ABITRAM: variants seen among roughly 807,000 people sequenced by gnomAD.
The protein encoded by ABITRAM is actin binding transcription modulator.
A neutral mutation model predicts 22.9 loss-of-function variants in ABITRAM; 19 were observed. That is an observed-to-expected ratio of 0.83 (90% CI 0.58 to 1.22). The LOEUF is 1.22. Among genes scored for constraint, ABITRAM ranks in the 50% most tolerant of loss-of-function variants. The pLI is 0.00. For synonymous variants in ABITRAM, 70 were observed against 73.9 expected, an observed-to-expected ratio of 0.95 and a Z score of 0.27; for missense variants, 215 against 220.2, an observed-to-expected ratio of 0.98 and a Z score of 0.15.
chr9:108,944,959 A>C (rs968399160), downstream of ABITRAM, among the ~76,000 whole-genome samples: 30 of 152,208 alleles, frequency 2.0e-4, no homozygotes, highest in African/African-American at 7.0e-4. Flanking sequence ...CTAGACTCCA[A>C]CCAAATGAAA....
In ABITRAM at chr9:108,940,094, A is replaced by C. The variant is rs1221511820; in HGVS notation, c.*408A>C. On this transcript the variant is annotated 3_prime_UTR_variant, in exon 6 of 6. Transcript: ENST00000322940. The stretch of plus-strand genomic sequence containing the variant: ...TGACCCTTGAGCAACATAGGTTTGA[A>C]CTGCAAGGGTCCACTTATGCATGGA... 6.1e-6 allele frequency: 1 copy of C among 162,898 alleles called. No individual in the cohort carries two copies. Among genetic ancestry groups the C allele is most frequent in the African/African-American group, 2.4e-5 (1 of 41,748 alleles). 10.1% of individuals were successfully genotyped at this position (162,898 alleles called of 1,614,324 possible). A position where few individuals can be genotyped will look rare whatever the true frequency, so the allele number is the denominator to read the frequency against.
intron 1 of ABITRAM, 147 bp from the exon 2 acceptor site, chr9:108,935,491 C>A (rs1347769704): frequency 1.6e-6 from 1 of 642,028 alleles, no homozygotes; most frequent in East Asian, 2.7e-5. Flanking sequence ...TTAGGTATGT[C>A]TTTTTGAGTA....
At chr9:108,943,979 G>GCCA (rs778130522), downstream of ABITRAM, 3 of 1,613,712 alleles carry the variant, frequency 1.9e-6, no homozygotes, top group East Asian at 6.7e-5. Flanking sequence ...GAAAAAGCTT[G>GCCA]AACACTGGAA....
chr9:108,942,410 T>C (rs965781965), downstream of ABITRAM, among the ~76,000 whole-genome samples: 2 of 152,236 alleles, frequency 1.3e-5, no homozygotes, highest in Admixed American at 1.3e-4. Context: ...ATTAGTGATC[T>C]AGATGATAAA....
chr9:108,939,052 A>G (rs917477980), intron 3 of ABITRAM, 144 bp from the exon 4 acceptor site: 4 of 666,786 alleles, frequency 6.0e-6, no homozygotes, highest in Admixed American at 6.3e-5. Context: ...AGGTTCTGAA[A>G]TTAATGAATG....
At chr9:108,946,454 G>A (rs964733666) in intron 3 of ABITRAM, among the ~76,000 whole-genome samples, 1 of 151,956 alleles carries the variant, frequency 6.6e-6, no homozygotes, top group Non-Finnish European at 1.5e-5. Flanking sequence ...ACTTGTTTTG[G>A]CTATCTAAAA....
chr9:108,942,680 T>G, downstream of ABITRAM: 1 of 906,496 alleles, frequency 1.1e-6, no homozygotes, highest in Non-Finnish European at 1.7e-6. Flanking sequence ...ATAAAATTGA[T>G]GAATTTCTGA....
chr9:108,934,464 G>A lies in ABITRAM; in HGVS notation c.-23G>A, dbSNP rs200789185. The A allele has an allele frequency of 3.7e-4, 584 of 1,586,174 alleles. 1 individual carries two copies. In the African/African-American group the frequency reaches 7.2e-3, roughly 20 times the overall value. The stretch of plus-strand genomic sequence containing the variant: ...GAAGCGCTGGGGTCCCGGAGGGCGG[G>A]GGTGGCGGCGCCGGAGGTCGCCATG... On this transcript the variant is annotated 5_prime_UTR_variant, in exon 1 of 6. Coordinates refer to ENST00000322940, the MANE Select transcript of ABITRAM (RefSeq NM_017832.4).
At chr9:108,943,658 C>T, downstream of ABITRAM, 1 of 1,510,046 alleles carries the variant, frequency 6.6e-7, no homozygotes, top group Non-Finnish European at 9.0e-7. Context: ...GGGCTTTAAC[C>T]AGATAAAGAT....
At chr9:108,938,701 GGA>G (rs1491134511) in intron 3 of ABITRAM, among the ~76,000 whole-genome samples, 200 of 138,354 alleles carry the variant, frequency 1.4e-3, no homozygotes, top group Middle Eastern at 3.6e-3. Context: ...GGGGGGGGGG[GGA>G]AAGAACAATA....
chr9:108,946,032 G>T (rs1325149366), intron 3 of ABITRAM, among the ~76,000 whole-genome samples: 1 of 152,144 alleles, frequency 6.6e-6, no homozygotes, highest in Non-Finnish European at 1.5e-5. Context: ...TGGGCATAGT[G>T]GCTCAGGCCT....
Position 108,934,555 on chromosome 9 carries a change from G to T in ABITRAM, c.69G>T (p.Trp23Cys), listed in dbSNP as rs370627190. The T allele has an allele frequency of 1.3e-4, 207 of 1,605,094 alleles. No individual in the cohort carries two copies. Among genetic ancestry groups the T allele is most frequent in the Non-Finnish European group, 1.7e-4 (196 of 1,176,696 alleles). The part of the protein sequence containing the change: ...PSLVDRYFTR[W>C]YKPDVKGKFC... ...TCGTGGATCGATACTTCACTCGCTG[G>T]TACAAACCGGGTAAGTGCGGAGTGA... is the stretch of plus-strand genomic sequence containing the variant. The change falls in exon 1 of 6, where the codon TGG (tryptophan) becomes TGT (cysteine). Residue 23 changes from tryptophan to cysteine, a missense_variant. Physicochemically the swap from Trp to Cys is radical, Grantham distance 215. Coordinates refer to ENST00000322940, the MANE Select transcript of ABITRAM (RefSeq NM_017832.4).
At chr9:108,942,474 C>G, downstream of ABITRAM, 1 of 423,194 alleles carries the variant, frequency 2.4e-6, no homozygotes, top group Non-Finnish European at 4.2e-6. Flanking sequence ...AAAATAGCTT[C>G]TTGTGGATTA....
downstream of ABITRAM, among the ~76,000 whole-genome samples, chr9:108,944,442 T>C (rs1255414287): frequency 6.6e-6 from 1 of 152,238 alleles, no homozygotes; most frequent in Admixed American, 6.5e-5. Flanking sequence ...ACAAAATTTG[T>C]CACCCATACA....
intron 3 of ABITRAM, among the ~76,000 whole-genome samples, 172 bp from the exon 4 acceptor site, chr9:108,939,024 A>C (rs1268231362): frequency 6.6e-6 from 1 of 152,194 alleles, no homozygotes; most frequent in East Asian, 1.9e-4. Context: ...GGCACACAGT[A>C]GGTACTTATA....
chr9:108,940,403 T>A lies in ABITRAM; in HGVS notation c.*717T>A, dbSNP rs1346707315. The stretch of plus-strand genomic sequence containing the variant: ...TTAAAAAAACCTAACCCACCTTTCT[T>A]ACCCAGTCTTCTATAATGTGCCTAC... On this transcript the variant is annotated 3_prime_UTR_variant, in exon 6 of 6. Coordinates refer to ENST00000322940, the MANE Select transcript of ABITRAM (RefSeq NM_017832.4). 6.6e-6 allele frequency: 1 copy of A among 152,232 alleles called. No homozygotes were observed. Among genetic ancestry groups the A allele is most frequent in the Admixed American group, 6.5e-5 (1 of 15,280 alleles). 9.4% of individuals were successfully genotyped at this position (152,232 alleles called of 1,614,324 possible).
In ABITRAM at chr9:108,936,428, A is replaced by G. The variant is rs751039447; in HGVS notation, c.252A>G (p.Lys84=). The change falls in exon 3 of 6, where the codon AAA becomes AAG. Residue 84 remains lysine (K), a synonymous_variant. Coordinates refer to ENST00000322940, the MANE Select transcript of ABITRAM (RefSeq NM_017832.4). ...GACTTCAGAACAAGGTCTCTGGGAA[A>G]TTTAAGCGGGTATGTTCCTGTAATT... The part of the protein sequence containing the change: ...CSRLQNKVSG[K]FKRGAQFLTE... The G allele has an allele frequency of 1.7e-5, 27 of 1,613,466 alleles. No individual in the cohort carries two copies. In the South Asian group the frequency reaches 2.1e-4, roughly 12 times the overall value.
chr9:108,942,118 A>G (rs1392338208), downstream of ABITRAM, among the ~76,000 whole-genome samples: 1 of 152,252 alleles, frequency 6.6e-6, no homozygotes, highest in East Asian at 1.9e-4. Context: ...TGCTAGAACT[A>G]GAACCAAAAA....
At position 108,939,391 on chromosome 9, in the gene ABITRAM, TAGAG is replaced by T; in HGVS notation, c.346_349del (p.Arg116AspfsTer3). On this transcript the variant is annotated frameshift_variant, in exon 5 of 6. Transcript: ENST00000322940. LOFTEE classifies it high-confidence loss of function. ...TCTTAAATTTTTTTAATAGTTGTGT[TAGAG>T]GACGTTTGATGGAAGTGAATGAAAA... 1 of 1,608,766 alleles carries T rather than the reference TAGAG, an allele frequency of 6.2e-7. No individual in the cohort carries two copies. Among genetic ancestry groups the T allele is most frequent in the South Asian group, 1.1e-5 (1 of 89,468 alleles).
Sources: allele counts gnomAD v4.1 joint callset (sites outside exome capture counted in the v4.1 genomes callset), GRCh38; gene constraint gnomAD v4.1.1; transcripts MANE v1.5; gene names NCBI Gene and HGNC (gene_info 2026-07-23, HGNC 2026-07-21).